The following ZNF578 variants were observed in gnomAD, a reference collection of about 807,000 sequenced individuals.
The protein encoded by ZNF578 is Putative chemokine-related protein B42.
A neutral mutation model predicts 8.3 loss-of-function variants in ZNF578; 8 were observed. The observed-to-expected ratio is 0.96, with a 90% CI of 0.56 to 1.74. The LOEUF is 1.74. Ranked by LOEUF, ZNF578 falls within the 40% of genes most tolerant of loss-of-function variation. The pLI is 0.00. For missense variants in ZNF578, 726 were observed against 707.5 expected (o/e 1.03, Z -0.30); for synonymous variants, 206 against 232.2 (o/e 0.89, Z 1.03).
intron 2 of ZNF578, among the ~76,000 whole-genome samples, chr19:52,487,713 T>C (rs2059350411): frequency 6.6e-6 from 1 of 151,122 alleles, no homozygotes; most frequent in Non-Finnish European, 1.5e-5. Context: ...AACTGCAGCC[T>C]TGACCTCTTG....
In ZNF578 at chr19:52,468,202, C is replaced by A. The variant is rs370828008; in HGVS notation, c.-122+11244C>A. On this transcript the variant is annotated intron_variant, in intron 2 of 5. Transcript: ENST00000421239. ...AGAACATTTTGCTTAATACCATAAT[C>A]AAAAATGACATTTCTGTAGCTTTTG... Among the ~76,000 whole-genome samples the A allele has an allele frequency of 7.9e-5, 12 of 152,228 alleles. No individual in the cohort carries two copies. In the East Asian group the frequency reaches 1.5e-3, roughly 20 times the overall value.
At chr19:52,491,013 T>C (rs1167434656) in intron 2 of ZNF578, among the ~76,000 whole-genome samples, 1 of 152,196 alleles carries the variant, frequency 6.6e-6, no homozygotes, top group South Asian at 2.1e-4. Flanking sequence ...GACAGTGATA[T>C]GTTTTTTTGC....
chr19:52,494,984 A>G (rs1383647536), intron 3 of ZNF578, among the ~76,000 whole-genome samples: 2 of 150,118 alleles, frequency 1.3e-5, no homozygotes, highest in Non-Finnish European at 1.5e-5. Flanking sequence ...GGTGTGAGAC[A>G]CCAAGCCCAG....
At chr19:52,504,222 C>T (rs1369105794) in intron 4 of ZNF578, among the ~76,000 whole-genome samples, 2 of 151,924 alleles carry the variant, frequency 1.3e-5, no homozygotes, top group Non-Finnish European at 2.9e-5. Flanking sequence ...TCCTGTGTAG[C>T]TGGGATTACA....
intron 2 of ZNF578, among the ~76,000 whole-genome samples, chr19:52,459,181 T>A (rs766116622): frequency 6.6e-6 from 1 of 152,218 alleles, no homozygotes; most frequent in South Asian, 2.1e-4. Flanking sequence ...TATGTTCACG[T>A]TACTGTGCAA....
rs554130096 is a variant in ZNF578, at chr19:52,496,571, C to T, written c.-20+5146C>T. Among the ~76,000 whole-genome samples the T allele has an allele frequency of 3.1e-4, 46 of 150,658 alleles. No homozygotes were observed. The East Asian group carries it at 7.5e-3, about 25-fold the overall frequency. ...GTCTCGATCTCCTGACCTCGTGATC[C>T]GCCCGCCTCAGCCTCCCAAAGTGCT... On this transcript the variant is annotated intron_variant, in intron 3 of 5. Coordinates refer to ENST00000421239, the MANE Select transcript of ZNF578 (RefSeq NM_001099694.2).
At chr19:52,483,094 T>C (rs955341076) in intron 2 of ZNF578, among the ~76,000 whole-genome samples, 1 of 151,234 alleles carries the variant, frequency 6.6e-6, no homozygotes, top group Non-Finnish European at 1.5e-5. Context: ...GAAATAGCAA[T>C]CAGCTCTTTA....
At position 52,501,719 on chromosome 19, in the gene ZNF578, G is replaced by A. The variant is rs1024718952; in HGVS notation, c.-19-108G>A. 7 of 1,083,672 alleles carry A rather than the reference G, an allele frequency of 6.5e-6. No homozygotes were observed. In the African/African-American group the frequency reaches 6.6e-5, roughly 10 times the overall value. The allele number at this position is 1,083,672 out of a possible 1,614,324, so 67.1% of individuals were successfully genotyped here. On this transcript the variant is annotated intron_variant, in intron 3 of 5. Transcript: ENST00000421239. ...CATGATCTCTGGTGCAGTGGGCAGT[G>A]GGGGGGGCTTCTTTGTACAGGGTGA...
chr19:52,498,405 C>G (rs1568464158), intron 3 of ZNF578, among the ~76,000 whole-genome samples: 1 of 149,006 alleles, frequency 6.7e-6, no homozygotes, highest in Non-Finnish European at 1.5e-5. Context: ...AATCTCCTCT[C>G]ACTGCAAGCT....
Position 52,514,939 on chromosome 19 carries a change from G to A in ZNF578, c.*2785G>A, listed in dbSNP as rs1462397793. 6.7e-6 allele frequency among the ~76,000 whole-genome samples: 1 copy of A among 149,466 alleles called. No homozygotes were observed. Among genetic ancestry groups the A allele is most frequent in the Non-Finnish European group, 1.5e-5 (1 of 67,736 alleles). Reference sequence around the variant, plus strand: ...GCCTCCCACTGTGATGGGATTACAGGCATGAGCTACCACGTCGAGACTCTT... The same window carrying A: ...GCCTCCCACTGTGATGGGATTACAGACATGAGCTACCACGTCGAGACTCTT... On this transcript the variant is annotated 3_prime_UTR_variant, in exon 6 of 6. Coordinates refer to ENST00000421239, the MANE Select transcript of ZNF578 (RefSeq NM_001099694.2).
intron 2 of ZNF578, among the ~76,000 whole-genome samples, chr19:52,482,303 G>A (rs909979915): frequency 6.6e-6 from 1 of 152,070 alleles, no homozygotes. Flanking sequence ...CAAAGTGCTG[G>A]GATTACAGGC....
intron 2 of ZNF578, among the ~76,000 whole-genome samples, chr19:52,459,260 C>T (rs1476196093): frequency 1.3e-5 from 2 of 152,140 alleles, no homozygotes; most frequent in Non-Finnish European, 2.9e-5. Context: ...TCCCTTCTGA[C>T]CTCACTATAG....
rs1448635404 is a variant in ZNF578 at position 52,511,669 on chromosome 19, A to G, written c.1288A>G (p.Asn430Asp). 2.5e-6 allele frequency: 4 copies of G among 1,614,038 alleles called. No individual in the cohort carries two copies. In the South Asian group the frequency reaches 4.4e-5, roughly 18 times the overall value. Residue 430 changes from asparagine (N) to aspartate (D), a missense_variant, in exon 6 of 6, where the codon AAT becomes GAT. Transcript: ENST00000421239. ...LHTGEKPYKC[N>D]DCGKAFIHQS... is the part of the protein sequence containing the mutation. ...TACTGGAGAGAAACCTTACAAGTGT[A>G]ATGACTGTGGTAAGGCTTTTATTCA...
chr19:52,476,520 G>A (rs1406767623), intron 2 of ZNF578, among the ~76,000 whole-genome samples: 3 of 152,168 alleles, frequency 2.0e-5, no homozygotes, highest in Non-Finnish European at 4.4e-5. Flanking sequence ...CGGGTTAGGA[G>A]TTCCTTGTAG....
chr19:52,510,614 G>A lies in ZNF578; in HGVS notation c.233G>A (p.Gly78Glu), dbSNP rs774887079. ...ATGATGAAGGAGGTCTTGTCAACAGGGCAAGGCAATACAGAAGTGATCCAC... is the reference window on the plus strand; with the variant it reads ...ATGATGAAGGAGGTCTTGTCAACAGAGCAAGGCAATACAGAAGTGATCCAC... ...KRMMKEVLST[G>E]QGNTEVIHTG... is the part of the protein sequence containing the mutation. The change falls in exon 6 of 6, where the codon GGG becomes GAG. Residue 78 changes from glycine (G) to glutamate (E), a missense_variant. Gly to Glu is a moderately conservative substitution (Grantham distance 98, BLOSUM62 -2). Coordinates refer to ENST00000421239, the MANE Select transcript of ZNF578 (RefSeq NM_001099694.2). 6.3e-7 allele frequency: 1 copy of A among 1,577,520 alleles called. No individual in the cohort carries two copies. The highest frequency in any genetic ancestry group is 8.6e-7 in the Non-Finnish European group (1 of 1,163,576).
rs182377285 is a variant in ZNF578 at position 52,492,720 on chromosome 19, G to C, written c.-20+1295G>C. On this transcript the variant is annotated intron_variant, in intron 3 of 5. Coordinates refer to ENST00000421239, the MANE Select transcript of ZNF578 (RefSeq NM_001099694.2). ...GCCCCGCCCTCTGCCGGTTCTAAAG[G>C]GCAAGGTCTCTCCGCCTCGCGCTCC... 1,015 of 152,276 alleles carry C rather than the reference G, an allele frequency of 6.7e-3. 16 individuals carry two copies. The highest frequency in any genetic ancestry group is 0.021 in the African/African-American group (863 of 41,516). 9.4% of individuals were successfully genotyped at this position (152,276 alleles called of 1,614,324 possible). A position where few individuals can be genotyped will look rare whatever the true frequency, so the allele number is the denominator to read the frequency against.
chr19:52,498,250 G>A (rs1319296823), intron 3 of ZNF578, among the ~76,000 whole-genome samples: 4 of 150,984 alleles, frequency 2.6e-5, no homozygotes, highest in Admixed American at 2.0e-4. Context: ...TCCACCTCTC[G>A]GGTTCAAGCA....
At chr19:52,505,474 T>C (rs1374395930) in intron 5 of ZNF578, among the ~76,000 whole-genome samples, 2 of 152,142 alleles carry the variant, frequency 1.3e-5, no homozygotes, top group Non-Finnish European at 2.9e-5. Flanking sequence ...CCAGGCCGAC[T>C]GCAGTGGCAC....
intron 5 of ZNF578, among the ~76,000 whole-genome samples, chr19:52,505,128 C>A (rs2059421063): frequency 1.3e-5 from 2 of 152,170 alleles, no homozygotes; most frequent in Non-Finnish European, 2.9e-5. Flanking sequence ...CTCAGGTGAT[C>A]CGCCCACCTT....
Sources: allele counts gnomAD v4.1 joint callset (sites outside exome capture counted in the v4.1 genomes callset), GRCh38; gene constraint gnomAD v4.1.1; transcripts MANE v1.5; gene names NCBI Gene and HGNC (gene_info 2026-07-23, HGNC 2026-07-21).